MCC: variants seen among roughly 807,000 people sequenced by gnomAD.
MCC encodes MCC regulator of Wnt signaling pathway.
In MCC, 90 loss-of-function variants were observed where a neutral mutation model predicts 116.2. The ratio of observed to expected loss-of-function variants is 0.77; its 90% CI spans 0.65 to 0.92. The LOEUF (loss-of-function observed/expected upper bound fraction) is 0.92, where lower values mean the gene tolerates loss of function less well. Ranked by LOEUF, MCC falls within the 40% of genes least tolerant of loss-of-function variation. MCC has a pLI of 0.00. For missense variants in MCC, 1,516 were observed against 1,312.2 expected (o/e 1.16, Z -2.40); for synonymous variants, 578 against 510.5 (o/e 1.13, Z -1.78).
intron 2 of MCC, among the ~76,000 whole-genome samples, chr5:113,342,039 G>A (rs893177133): frequency 6.9e-6 from 1 of 144,834 alleles, no homozygotes; most frequent in African/African-American, 2.6e-5. Flanking sequence ...TCACTCTTAT[G>A]CCTTTGAGTC....
In MCC at chr5:113,340,482, G is replaced by A. The variant is rs191899957; in HGVS notation, c.627+37C>T. 1.5e-3 allele frequency: 2,282 copies of A among 1,556,896 alleles called. 30 individuals carry two copies. The highest frequency in any genetic ancestry group is 1.4e-4 in the Non-Finnish European group (156 of 1,128,476). On this transcript the variant is annotated intron_variant, in intron 3 of 18. Coordinates refer to ENST00000408903, the MANE Select transcript of MCC (RefSeq NM_001085377.2). ...AATATTTGTATTGGAATACAGACAG[G>A]CCGAAATATGTATTCCATGAACCAA...
At chr5:113,199,366 T>TAGTA (rs1325840326) in intron 3 of MCC, among the ~76,000 whole-genome samples, 1 of 152,074 alleles carries the variant, frequency 6.6e-6, no homozygotes, top group Non-Finnish European at 1.5e-5. Context: ...AAACCACATG[T>TAGTA]AGTAAGCTAA....
intron 1 of MCC, among the ~76,000 whole-genome samples, chr5:113,447,024 A>G (rs1166823150): frequency 6.6e-6 from 1 of 152,056 alleles, no homozygotes; most frequent in African/African-American, 2.4e-5. Flanking sequence ...TCCTTTCCTC[A>G]TCTCTAATTG....
chr5:113,220,368 A>G (rs927984354), intron 3 of MCC, among the ~76,000 whole-genome samples: 1 of 151,864 alleles, frequency 6.6e-6, no homozygotes, highest in Non-Finnish European at 1.5e-5. Flanking sequence ...CAGCATGTCA[A>G]TTTCTACTGA....
intron 8 of MCC, among the ~76,000 whole-genome samples, chr5:113,097,997 T>C (rs1032072335): frequency 6.6e-6 from 1 of 152,106 alleles, no homozygotes; most frequent in Non-Finnish European, 1.5e-5. Context: ...AAAGAAGAAA[T>C]TGTTAACACC....
intron 1 of MCC, among the ~76,000 whole-genome samples, chr5:113,421,875 G>T (rs1380050975): frequency 1.3e-5 from 2 of 152,146 alleles, no homozygotes. Context: ...GGGGTGATTT[G>T]CTATTTTCTT....
chr5:113,273,267 C>T (rs910692634), intron 3 of MCC, among the ~76,000 whole-genome samples: 1 of 152,174 alleles, frequency 6.6e-6, no homozygotes, highest in Non-Finnish European at 1.5e-5. Context: ...TGTGTCCTTT[C>T]CCTTTTCTAA....
chr5:113,424,177 A>G (rs1580356871), intron 1 of MCC, among the ~76,000 whole-genome samples: 1 of 151,140 alleles, frequency 6.6e-6, no homozygotes, highest in East Asian at 1.9e-4. Flanking sequence ...ACACACACAC[A>G]CACACACATT....
At chr5:113,458,230 C>A (rs1245999833) in intron 1 of MCC, among the ~76,000 whole-genome samples, 1 of 152,174 alleles carries the variant, frequency 6.6e-6, no homozygotes, top group Non-Finnish European at 1.5e-5. Context: ...GTCCACACTG[C>A]CTTTATGAGC....
intron 3 of MCC, among the ~76,000 whole-genome samples, chr5:113,162,189 G>T (rs1048623883): frequency 1.3e-5 from 2 of 152,116 alleles, no homozygotes; most frequent in African/African-American, 4.8e-5. Flanking sequence ...GTCCCAACTC[G>T]GATCACTTTG....
chr5:113,274,542 G>A (rs1479008291), intron 3 of MCC, among the ~76,000 whole-genome samples: 3 of 152,112 alleles, frequency 2.0e-5, no homozygotes, highest in Admixed American at 2.0e-4. Flanking sequence ...GTATTTTTTA[G>A]TGGAGATGGG....
chr5:113,364,238 G>GAAAA (rs60976854), intron 2 of MCC, among the ~76,000 whole-genome samples: 21 of 49,414 alleles, frequency 4.2e-4, no homozygotes, highest in Admixed American at 6.7e-4. Context: ...CTCAAAAACA[G>GAAAA]AAAAAAAAAA....
chr5:113,207,135 A>C lies in MCC; in HGVS notation c.628-55713T>G, dbSNP rs75735404. Among the ~76,000 whole-genome samples the C allele has an allele frequency of 5.5e-3, 842 of 152,324 alleles. 8 individuals carry two copies. The highest frequency in any genetic ancestry group is 0.02 in the African/African-American group (816 of 41,574). On this transcript the variant is annotated intron_variant, in intron 3 of 18. Transcript: ENST00000408903. The stretch of plus-strand genomic sequence containing the variant: ...GCATCTAGGAGACACACATACACAC[A>C]AAAAGGTTACACATGAATTTGGGGG...
intron 3 of MCC, among the ~76,000 whole-genome samples, chr5:113,306,513 GTA>G (rs754293105): frequency 6.6e-6 from 1 of 152,076 alleles, no homozygotes. Flanking sequence ...TAGGCCATTT[GTA>G]TATCTTCTCT....
intron 3 of MCC, among the ~76,000 whole-genome samples, chr5:113,158,262 G>C (rs555024021): frequency 1.3e-5 from 2 of 152,334 alleles, no homozygotes; most frequent in South Asian, 4.1e-4. Context: ...CAGATACAAA[G>C]TATGCACAAT....
chr5:113,427,421 C>G (rs1231205835), intron 1 of MCC, among the ~76,000 whole-genome samples: 1 of 152,172 alleles, frequency 6.6e-6, no homozygotes, highest in Non-Finnish European at 1.5e-5. Context: ...GTAAGAAAAT[C>G]AAGTTATTCA....
intron 3 of MCC, among the ~76,000 whole-genome samples, chr5:113,278,770 G>C (rs1396278939): frequency 6.6e-6 from 1 of 152,118 alleles, no homozygotes; most frequent in South Asian, 2.1e-4. Flanking sequence ...TGGGTACCTC[G>C]AAATGAAGGG....
At chr5:113,237,463 T>C (rs368009102) in intron 3 of MCC, among the ~76,000 whole-genome samples, 46 of 152,316 alleles carry the variant, frequency 3.0e-4, no homozygotes, top group African/African-American at 9.6e-4. Context: ...AATATTTTTA[T>C]GGAAAAACCT....
chr5:113,298,621 T>C (rs1481912375), intron 3 of MCC, among the ~76,000 whole-genome samples: 5 of 151,994 alleles, frequency 3.3e-5, no homozygotes, highest in Non-Finnish European at 7.4e-5. Context: ...GCAAAGTTCC[T>C]AAAAAGGGAG....
Sources: allele counts gnomAD v4.1 joint callset (sites outside exome capture counted in the v4.1 genomes callset), GRCh38; gene constraint gnomAD v4.1.1; transcripts MANE v1.5; gene names NCBI Gene and HGNC (gene_info 2026-07-23, HGNC 2026-07-21).